Variants in ZNF497 observed in about 807,000 individuals in gnomAD.
ZNF497 encodes the protein zinc finger protein 497, also known as zinc finger-like protein.
For synonymous variants in ZNF497, 422 were observed against 313.7 expected (o/e 1.35, Z -3.65); for missense variants, 930 against 714.0 (o/e 1.30, Z -3.45).
Position 58,356,301 on chromosome 19 carries a change from G to C in ZNF497, c.1335C>G (p.Ala445=). 6.3e-7 allele frequency: 1 copy of C among 1,588,036 alleles called. No homozygotes were observed. Among genetic ancestry groups the C allele is most frequent in the Non-Finnish European group, 8.6e-7 (1 of 1,168,736 alleles). The change falls in exon 3 of 3, where the codon GCC becomes GCG. Residue 445 remains alanine (A), a synonymous_variant. Coordinates refer to ENST00000311044, the MANE Select transcript of ZNF497 (RefSeq NM_198458.3). ...LHSGERPFVC[A]HCSKAFVRKS... ...TGCGCACGAAGGCCTTGCTGCAGTG[G>C]GCGCAGACGAACGGCCTCTCGCCAG...
Position 58,356,171 on chromosome 19 carries a change from G to C in ZNF497, c.1465C>G (p.Gln489Glu). 1.3e-6 allele frequency: 2 copies of C among 1,580,416 alleles called. No individual in the cohort carries two copies. The highest frequency in any genetic ancestry group is 1.7e-6 in the Non-Finnish European group (2 of 1,161,420). ...GCAGCGCGGCCCCCGTGCCGCTTCTGGTGCTCGTTGAGGTTGCAACGGTGG... is the reference window on the plus strand; with the variant it reads ...GCAGCGCGGCCCCCGTGCCGCTTCTCGTGCTCGTTGAGGTTGCAACGGTGG... ...FSHRCNLNEH[Q>E]KRHGGRAAP The change falls in exon 3 of 3, where the codon CAG becomes GAG. Residue 489 changes from glutamine to glutamate, a missense_variant. Transcript: ENST00000311044.
rs890617652 is a variant in ZNF497, at chr19:58,356,345, G to A, written c.1291C>T (p.Gln431Ter). 1.9e-6 allele frequency: 3 copies of A among 1,567,788 alleles called. No homozygotes were observed. In the Admixed American group the frequency reaches 5.6e-5, roughly 29 times the overall value. ...TCGCCAGAGTGCAGGCGCTGGTGCT[G>A]GCGCAGCTCGGAGCTGCCGCGGAAG... ...KAFRGSSELR[Q>*]HQRLHSGERP... is the part of the protein sequence containing the mutation. The change falls in exon 3 of 3, where the codon CAG (glutamine) becomes TAG (stop). Residue 431 changes from glutamine (Q) to a stop codon, truncating the protein, a stop_gained. Transcript: ENST00000311044. LOFTEE classifies it low-confidence loss of function (END_TRUNC).
At position 58,357,622 on chromosome 19, in the gene ZNF497, C is replaced by G. The variant is rs759509731; in HGVS notation, c.14G>C (p.Arg5Thr). 6.5e-7 allele frequency: 1 copy of G among 1,527,574 alleles called. No homozygotes were observed. The highest frequency in any genetic ancestry group is 8.8e-7 in the Non-Finnish European group (1 of 1,140,670). 94.6% of individuals were successfully genotyped at this position (1,527,574 alleles called of 1,614,324 possible). MESP[R>T]GWTLQVAPEE... is the part of the protein sequence containing the mutation. Reference sequence around the variant, plus strand: ...TGGGGCCACCTGCAGGGTCCACCCTCTTGGGGACTCCATCTCGCGCCTGTG... The same window carrying G: ...TGGGGCCACCTGCAGGGTCCACCCTGTTGGGGACTCCATCTCGCGCCTGTG... Residue 5 changes from arginine (R) to threonine (T), a missense_variant, in exon 3 of 3, where the codon AGA becomes ACA. Coordinates refer to ENST00000311044, the MANE Select transcript of ZNF497 (RefSeq NM_198458.3).
At position 58,356,646 on chromosome 19, in the gene ZNF497, G is replaced by A. The variant is rs917284232; in HGVS notation, c.990C>T (p.Phe330=). ...AAGCCTGGCCGCACTCGGCGCACTC[G>A]AAGGGCCGCTCACCAGTGTGCGTGC... The part of the protein sequence containing the change: ...HQRTHTGERP[F]ECAECGQAFV... Residue 330 remains phenylalanine (F), a synonymous_variant, in exon 3 of 3, where the codon TTC becomes TTT. Transcript: ENST00000311044. The A allele has an allele frequency of 2.6e-6, 4 of 1,547,506 alleles. No homozygotes were observed. In the Admixed American group the frequency reaches 5.8e-5, roughly 22 times the overall value.
intron 1 of ZNF497, 72 bp downstream of exon 1, chr19:58,362,605 C>A (rs1200583389): frequency 6.6e-6 from 1 of 152,192 alleles, no homozygotes; most frequent in African/African-American, 2.4e-5. Context: ...CGTCCTGCCC[C>A]GCGCGGCGGG....
chr19:58,358,569 G>T lies in ZNF497; in HGVS notation c.-95C>A. 2.5e-6 allele frequency: 3 copies of T among 1,188,782 alleles called. No homozygotes were observed. Among genetic ancestry groups the T allele is most frequent in the Non-Finnish European group, 3.2e-6 (3 of 940,962 alleles). 73.6% of individuals were successfully genotyped at this position (1,188,782 alleles called of 1,614,324 possible). A position where few individuals can be genotyped will look rare whatever the true frequency, so the allele number is the denominator to read the frequency against. ...TGTCCTGGGGACCAGCTCCTCTTGG[G>T]GCCTGGGGGCTGGCACCTGGGGACA... is the stretch of plus-strand genomic sequence containing the variant. On this transcript the variant is annotated 5_prime_UTR_variant, in exon 2 of 3. Transcript: ENST00000311044.
At chr19:58,361,629 T>C (rs2052095039) in intron 1 of ZNF497, among the ~76,000 whole-genome samples, 1 of 152,206 alleles carries the variant, frequency 6.6e-6, no homozygotes. Context: ...AGTGCTGGGA[T>C]TACAGACATG....
At position 58,357,559 on chromosome 19, in the gene ZNF497, G is replaced by C. The variant is rs1237311036; in HGVS notation, c.77C>G (p.Thr26Arg). Residue 26 changes from threonine (T) to arginine (R), a missense_variant, in exon 3 of 3, where the codon ACG becomes AGG. By Grantham distance (71) the Thr-to-Arg change is moderately conservative (BLOSUM62 -1). Coordinates refer to ENST00000311044, the MANE Select transcript of ZNF497 (RefSeq NM_198458.3). Reference protein sequence around the residue: ...GQVLCNVKTATRGLSEGAVSG... With the variant: ...GQVLCNVKTARRGLSEGAVSG... Reference sequence around the variant, plus strand: ...CACAGCCCCCTCAGAGAGGCCCCTCGTGGCAGTCTTCACATTGCAGAGGAC... The same window carrying C: ...CACAGCCCCCTCAGAGAGGCCCCTCCTGGCAGTCTTCACATTGCAGAGGAC... The C allele has an allele frequency of 1.2e-6, 2 of 1,601,650 alleles. No homozygotes were observed. The highest frequency in any genetic ancestry group is 1.1e-5 in the South Asian group (1 of 89,662).
chr19:58,358,651 G>A (rs1352607849), intron 1 of ZNF497, 66 bp from the exon 2 acceptor site: 3 of 776,562 alleles, frequency 3.9e-6, no homozygotes, highest in African/African-American at 1.8e-5. Flanking sequence ...AAAACAAGGG[G>A]CATGCGGTGG....
rs757126913 is a variant in ZNF497 at position 58,356,115 on chromosome 19, C to T, written c.*24G>A. On this transcript the variant is annotated 3_prime_UTR_variant, in exon 3 of 3. Coordinates refer to ENST00000311044, the MANE Select transcript of ZNF497 (RefSeq NM_198458.3). The stretch of plus-strand genomic sequence containing the variant: ...ACCCCGCAATGCCGTGTGTCCGCGA[C>T]CTCCCGCTCAGGGCGTCCTCGGGTC... 1 of 1,512,996 alleles carries T rather than the reference C, an allele frequency of 6.6e-7. No individual in the cohort carries two copies. The highest frequency in any genetic ancestry group is 8.8e-7 in the Non-Finnish European group (1 of 1,134,662). The allele number at this position is 1,512,996 out of a possible 1,614,324, so 93.7% of individuals were successfully genotyped here.
chr19:58,357,543 C>G lies in ZNF497; in HGVS notation c.93G>C (p.Glu31Asp), dbSNP rs754800671. The G allele has an allele frequency of 6.2e-6, 10 of 1,605,596 alleles. No homozygotes were observed. The African/African-American group carries it at 1.2e-4, about 19-fold the overall frequency. ...CCCCCCAGCCTCCAGACACAGCCCC[C>G]TCAGAGAGGCCCCTCGTGGCAGTCT... ...NVKTATRGLS[E>D]GAVSGGWGAW... Residue 31 changes from glutamate to aspartate, a missense_variant, in exon 3 of 3, where the codon GAG (glutamate) becomes GAC (aspartate). Glu to Asp is a conservative substitution (Grantham distance 45). Transcript: ENST00000311044.
Position 58,356,910 on chromosome 19 carries a change from G to C in ZNF497, c.726C>G (p.Gly242=). 1 of 1,592,594 alleles carries C rather than the reference G, an allele frequency of 6.3e-7. No individual in the cohort carries two copies. Among genetic ancestry groups the C allele is most frequent in the Non-Finnish European group, 8.5e-7 (1 of 1,174,052 alleles). The change falls in exon 3 of 3, where the codon GGC becomes GGG. Residue 242 remains glycine, a synonymous_variant. Coordinates refer to ENST00000311044, the MANE Select transcript of ZNF497 (RefSeq NM_198458.3). ...NFLEHRRVHT[G]ARPHACRDCG... Reference sequence around the variant, plus strand: ...AGTCCCGGCAGGCGTGCGGCCGCGCGCCCGTGTGCACGCGCCGGTGCTCCA... The same window carrying C: ...AGTCCCGGCAGGCGTGCGGCCGCGCCCCCGTGTGCACGCGCCGGTGCTCCA...
chr19:58,361,427 G>A (rs1277794360), intron 1 of ZNF497, among the ~76,000 whole-genome samples: 2 of 152,094 alleles, frequency 1.3e-5, no homozygotes. Context: ...CGTGATGTGG[G>A]CTCACCGCGA....
rs1438194214 is a variant in ZNF497, at chr19:58,355,542, G to A, written c.*597C>T. 1 of 152,398 alleles carries A rather than the reference G, an allele frequency of 6.6e-6. No homozygotes were observed. The highest frequency in any genetic ancestry group is 2.4e-5 in the African/African-American group (1 of 41,434). 9.4% of individuals were successfully genotyped at this position (152,398 alleles called of 1,614,324 possible). A position where few individuals can be genotyped will look rare whatever the true frequency, so the allele number is the denominator to read the frequency against. ...CAAAAAAGAAAAGTCCCATGAAACA[G>A]ACCTACACAGGTGAGATTCTGAGAT... On this transcript the variant is annotated 3_prime_UTR_variant, in exon 3 of 3. Transcript: ENST00000311044.
In ZNF497 at chr19:58,356,540, C is replaced by A; in HGVS notation, c.1096G>T (p.Ala366Ser). ...KPHACAQCGKAFSQRSNLLSH... is the reference protein window; with the variant it reads ...KPHACAQCGKSFSQRSNLLSH... Reference sequence around the variant, plus strand: ...AGTAGGTTGGAGCGCTGGCTGAAGGCCTTGCCGCACTGGGCGCACGCATGA... The same window carrying A: ...AGTAGGTTGGAGCGCTGGCTGAAGGACTTGCCGCACTGGGCGCACGCATGA... Residue 366 changes from alanine to serine, a missense_variant, in exon 3 of 3, where the codon GCC becomes TCC. Physicochemically the swap from Ala to Ser is moderately conservative, Grantham distance 99. Coordinates refer to ENST00000311044, the MANE Select transcript of ZNF497 (RefSeq NM_198458.3). 1 of 1,547,506 alleles carries A rather than the reference C, an allele frequency of 6.5e-7. No individual in the cohort carries two copies. The highest frequency in any genetic ancestry group is 8.7e-7 in the Non-Finnish European group (1 of 1,151,622).
Position 58,355,321 on chromosome 19 carries a change from G to C in ZNF497, c.*818C>G, listed in dbSNP as rs1257893147. 6.6e-6 allele frequency: 1 copy of C among 152,260 alleles called. No homozygotes were observed. Among genetic ancestry groups the C allele is most frequent in the Non-Finnish European group, 1.5e-5 (1 of 68,106 alleles). The allele number at this position is 152,260 out of a possible 1,614,324, so 9.4% of individuals were successfully genotyped here. A position where few individuals can be genotyped will look rare whatever the true frequency, so the allele number is the denominator to read the frequency against. On this transcript the variant is annotated 3_prime_UTR_variant, in exon 3 of 3. Transcript: ENST00000311044. ...GCCCAGGAGTTTTGAGACCCGCCTAGGCAACATGGTGAGACACTGTCCTTA... is the reference window on the plus strand; with the variant it reads ...GCCCAGGAGTTTTGAGACCCGCCTACGCAACATGGTGAGACACTGTCCTTA...
Position 58,355,969 on chromosome 19 carries a change from A to G in ZNF497, c.*170T>C, listed in dbSNP as rs772385495. On this transcript the variant is annotated 3_prime_UTR_variant, in exon 3 of 3. Transcript: ENST00000311044. ...CCTGGGTGGCCGGTGGACTATCGTC[A>G]AAGGGACTGTGCAGCCAGGGTTCTC... is the stretch of plus-strand genomic sequence containing the variant. 307 of 729,696 alleles carry G rather than the reference A, an allele frequency of 4.2e-4. No homozygotes were observed. Among genetic ancestry groups the G allele is most frequent in the Non-Finnish European group, 6.0e-4 (282 of 472,694 alleles). 45.2% of individuals were successfully genotyped at this position (729,696 alleles called of 1,614,324 possible).
At chr19:58,358,774 C>T (rs2052057573) in intron 1 of ZNF497, 189 bp from the exon 2 acceptor site, 3 of 458,484 alleles carry the variant, frequency 6.5e-6, no homozygotes, top group East Asian at 6.9e-5. Context: ...AAACTCCCAC[C>T]TGTCACCATC....
At chr19:58,358,349 C>A in intron 2 of ZNF497, 140 bp downstream of exon 2, 1 of 1,235,366 alleles carries the variant, frequency 8.1e-7, no homozygotes, top group Non-Finnish European at 1.1e-6. Flanking sequence ...GCCTGCCTGT[C>A]CAGCCGATCC....
Sources: gnomAD v4.1 joint callset for allele counts (sites outside exome capture counted in the v4.1 genomes callset) on GRCh38, gnomAD v4.1.1 for gene constraint, MANE v1.5 for transcripts, NCBI Gene and HGNC (gene_info 2026-07-23, HGNC 2026-07-21) for gene names.